Variants in DPP10 observed in about 807,000 individuals in gnomAD.
The protein encoded by DPP10 is inactive dipeptidyl peptidase 10.
In DPP10, 33 loss-of-function variants were observed where a neutral mutation model predicts 120.9. The ratio of observed to expected loss-of-function variants is 0.27; its 90% CI spans 0.21 to 0.37. The LOEUF (loss-of-function observed/expected upper bound fraction) is 0.37, where lower values mean the gene tolerates loss of function less well. DPP10 is among the 10% of genes least tolerant of loss of function. DPP10 has a pLI of 1.00. For synonymous variants in DPP10, 337 were observed against 326.1 expected (o/e 1.03, Z -0.36); for missense variants, 816 against 942.8 (o/e 0.87, Z 1.76).
At chr2:115,162,317 C>T in intron 1 of DPP10, 1 of 1,479,428 alleles carries the variant, frequency 6.8e-7, no homozygotes, top group Non-Finnish European at 9.0e-7. Context: ...GGCGGCCCAC[C>T]GAGGGAGGGA....
intron 3 of DPP10, among the ~76,000 whole-genome samples, chr2:115,457,115 T>C (rs2073617628): frequency 6.6e-6 from 1 of 151,990 alleles, no homozygotes; most frequent in Admixed American, 6.6e-5. Context: ...AAATAAGCCC[T>C]TAGGTTTATG....
intron 1 of DPP10, among the ~76,000 whole-genome samples, chr2:114,902,651 T>A (rs1693673055): frequency 6.6e-6 from 1 of 152,216 alleles, no homozygotes; most frequent in Non-Finnish European, 1.5e-5. Flanking sequence ...CTTTATTTTT[T>A]AGTGCAACTT....
intron 3 of DPP10, among the ~76,000 whole-genome samples, chr2:115,470,876 C>G (rs1178418846): frequency 6.6e-6 from 1 of 152,134 alleles, no homozygotes; most frequent in Non-Finnish European, 1.5e-5. Context: ...AGACAGTCAC[C>G]TTTCTTATTA....
intron 1 of DPP10, among the ~76,000 whole-genome samples, chr2:114,793,940 A>G (rs1207423497): frequency 6.6e-6 from 1 of 152,074 alleles, no homozygotes; most frequent in Admixed American, 6.5e-5. Flanking sequence ...TACCTCTTTT[A>G]TGGGTTATTT....
intron 5 of DPP10, among the ~76,000 whole-genome samples, chr2:115,601,735 A>G (rs1468016832): frequency 6.6e-6 from 1 of 152,014 alleles, no homozygotes; most frequent in Non-Finnish European, 1.5e-5. Context: ...GTGCAGTGGC[A>G]CGACCTCAGC....
rs1254949072 is a variant in DPP10, at chr2:114,954,110, T to C, written c.61-355129T>C. Among the ~76,000 whole-genome samples, 5 of 132,854 alleles carry C rather than the reference T, an allele frequency of 3.8e-5. No homozygotes were observed. In the Admixed American group the frequency reaches 4.2e-4, roughly 11 times the overall value. The allele number at this position is 132,854 out of a possible 152,430, so 87.2% of individuals were successfully genotyped here. A position where few individuals can be genotyped will look rare whatever the true frequency, so the allele number is the denominator to read the frequency against. The stretch of plus-strand genomic sequence containing the variant: ...TTTTTTTTTTTTTTGATACAGAGTC[T>C]CACTCTGTAGCCCAGGCTGGAGGGC... On this transcript the variant is annotated intron_variant, in intron 1 of 25. Transcript: ENST00000410059.
intron 1 of DPP10, among the ~76,000 whole-genome samples, chr2:114,547,494 A>G (rs1687515425): frequency 1.3e-5 from 2 of 151,672 alleles, no homozygotes; most frequent in Admixed American, 1.3e-4. Context: ...CTGCATTTTG[A>G]TTTTGTCCTG....
At chr2:115,842,074 A>T in intron 25 of DPP10, 137 bp from the exon 26 acceptor site, 1 of 758,576 alleles carries the variant, frequency 1.3e-6, no homozygotes, top group Non-Finnish European at 2.0e-6. Flanking sequence ...AGCATGAATA[A>T]CTTAGAGTAG....
intron 1 of DPP10, among the ~76,000 whole-genome samples, chr2:115,285,409 A>G (rs547722274): frequency 6.6e-6 from 1 of 152,190 alleles, no homozygotes; most frequent in East Asian, 1.9e-4. Context: ...GACAGAGTAT[A>G]CTGGGATGGA....
intron 1 of DPP10, among the ~76,000 whole-genome samples, chr2:114,786,622 A>G (rs1467822354): frequency 1.3e-5 from 2 of 152,240 alleles, no homozygotes; most frequent in East Asian, 1.9e-4. Flanking sequence ...TACAGAAATT[A>G]TCAGGTAGAA....
At chr2:115,728,513 G>A (rs1327176665) in intron 8 of DPP10, among the ~76,000 whole-genome samples, 1 of 152,136 alleles carries the variant, frequency 6.6e-6, no homozygotes, top group Non-Finnish European at 1.5e-5. Context: ...ATTATCAGCT[G>A]AGTTCTACAT....
intron 1 of DPP10, among the ~76,000 whole-genome samples, chr2:115,286,541 A>AT (rs2060410573): frequency 8.8e-5 from 9 of 102,030 alleles, no homozygotes; most frequent in Admixed American, 2.0e-4. Flanking sequence ...ATATATATAT[A>AT]AAATATATAC....
intron 1 of DPP10, among the ~76,000 whole-genome samples, chr2:114,476,530 G>A (rs1187039626): frequency 6.6e-6 from 1 of 152,046 alleles, no homozygotes; most frequent in South Asian, 2.1e-4. Context: ...AAAAAAATAT[G>A]GTGGCTCTTT....
At chr2:115,711,773 T>C (rs141549544) in intron 7 of DPP10, among the ~76,000 whole-genome samples, 45 of 152,276 alleles carry the variant, frequency 3.0e-4, no homozygotes, top group African/African-American at 1.1e-3. Flanking sequence ...CAAAGTGTTA[T>C]GCAATTTGAA....
At chr2:114,696,948 A>G (rs775750341) in intron 1 of DPP10, among the ~76,000 whole-genome samples, 5 of 152,100 alleles carry the variant, frequency 3.3e-5, no homozygotes, top group Non-Finnish European at 7.4e-5. Context: ...TTAATATCTC[A>G]TAGGATTTGA....
At chr2:115,722,257 A>T (rs1440304558) in intron 7 of DPP10, among the ~76,000 whole-genome samples, 1 of 151,692 alleles carries the variant, frequency 6.6e-6, no homozygotes, top group Non-Finnish European at 1.5e-5. Context: ...TTGTGTTCTT[A>T]TCACACAATT....
At chr2:115,373,001 T>C (rs557294802) in intron 3 of DPP10, among the ~76,000 whole-genome samples, 1 of 152,208 alleles carries the variant, frequency 6.6e-6, no homozygotes, top group South Asian at 2.1e-4. Flanking sequence ...TGATAAATAT[T>C]ATGCACAATT....
At chr2:115,611,061 G>T (rs1558922611) in intron 5 of DPP10, among the ~76,000 whole-genome samples, 1 of 152,012 alleles carries the variant, frequency 6.6e-6, no homozygotes, top group Non-Finnish European at 1.5e-5. Flanking sequence ...AAAGGAAATA[G>T]AATTTTAATA....
At chr2:115,475,811 T>C (rs2075040367) in intron 3 of DPP10, among the ~76,000 whole-genome samples, 1 of 152,144 alleles carries the variant, frequency 6.6e-6, no homozygotes, top group Admixed American at 6.6e-5. Flanking sequence ...AGCTTTAAGA[T>C]TTAATGACTG....
Sources: gnomAD v4.1 joint callset for allele counts (sites outside exome capture counted in the v4.1 genomes callset) on GRCh38, gnomAD v4.1.1 for gene constraint, MANE v1.5 for transcripts, NCBI Gene and HGNC (gene_info 2026-07-23, HGNC 2026-07-21) for gene names.